OR3A2: variants seen among roughly 807,000 people sequenced by gnomAD.
The protein encoded by OR3A2 is olfactory receptor 3A2.
For synonymous variants in OR3A2, 126 were observed against 159.3 expected, an observed-to-expected ratio of 0.79 and a Z score of 1.57; for missense variants, 318 against 392.8, an observed-to-expected ratio of 0.81 and a Z score of 1.61.
At chr17:3,321,448 G>T (rs1160509982) in intron 3 of OR3A2, among the ~76,000 whole-genome samples, 1 of 151,576 alleles carries the variant, frequency 6.6e-6, no homozygotes, top group African/African-American at 2.4e-5. Flanking sequence ...GGGCATCCCT[G>T]TCTTGTGCCA....
chr17:3,332,161 A>T lies in OR3A2; in HGVS notation c.-85+3872T>A, dbSNP rs1050540592. On this transcript the variant is annotated intron_variant, in intron 3 of 4. Transcript: ENST00000573491. ...TTTAAGTCTGCAGAGGTTACTGCTGACTTTTTGTCTGTGCCCTGCCCCCAG... is the reference window on the plus strand; with the variant it reads ...TTTAAGTCTGCAGAGGTTACTGCTGTCTTTTTGTCTGTGCCCTGCCCCCAG... 3.9e-5 allele frequency among the ~76,000 whole-genome samples: 6 copies of T among 152,242 alleles called. No homozygotes were observed. The South Asian group carries it at 1.0e-3, about 26-fold the overall frequency.
intron 2 of OR3A2, among the ~76,000 whole-genome samples, chr17:3,340,365 G>A (rs962152238): frequency 1.3e-5 from 2 of 152,100 alleles, no homozygotes; most frequent in Non-Finnish European, 2.9e-5. Context: ...ATGTTAGGGT[G>A]TCAATTTTAG....
At chr17:3,379,938 G>A (rs1446441098) in intron 2 of OR3A2, among the ~76,000 whole-genome samples, 1 of 152,184 alleles carries the variant, frequency 6.6e-6, no homozygotes, top group Non-Finnish European at 1.5e-5. Context: ...GCACAAGAGA[G>A]GAGGGGAGGC....
At position 3,330,361 on chromosome 17, in the gene OR3A2, G is replaced by A. The variant is rs2049219985; in HGVS notation, c.-85+5672C>T. 2.7e-5 allele frequency among the ~76,000 whole-genome samples: 4 copies of A among 149,966 alleles called. 1 individual carries two copies. Among genetic ancestry groups the A allele is most frequent in the South Asian group, 2.1e-4 (1 of 4,716 alleles). ...TGTGGGAGTCTAAGTCTCTTTGTAG[G>A]TCACTCAGGACTTGCTTTATGAATC... On this transcript the variant is annotated intron_variant, in intron 3 of 4. Coordinates refer to the OR3A2 transcript ENST00000573491.
intron 3 of OR3A2, among the ~76,000 whole-genome samples, chr17:3,322,540 T>G (rs2150636436): frequency 6.6e-6 from 1 of 152,348 alleles, no homozygotes; most frequent in Non-Finnish European, 1.5e-5. Context: ...CACACTGCTT[T>G]GAATGTGTCC....
intron 2 of OR3A2, among the ~76,000 whole-genome samples, chr17:3,363,562 T>A (rs577655149): frequency 1.3e-5 from 2 of 151,924 alleles, no homozygotes; most frequent in South Asian, 4.1e-4. Context: ...CTGTCTCACA[T>A]CTTCCTGTCT....
chr17:3,303,650 CAGG>C (rs2150627386), intron 3 of OR3A2, among the ~76,000 whole-genome samples: 1 of 151,426 alleles, frequency 6.6e-6, no homozygotes, highest in South Asian at 2.1e-4. Flanking sequence ...GAGGCTGAGG[CAGG>C]AGGATCGCTT....
chr17:3,317,689 G>A (rs1407751767), intron 3 of OR3A2, among the ~76,000 whole-genome samples: 1 of 152,106 alleles, frequency 6.6e-6, no homozygotes, highest in African/African-American at 2.4e-5. Context: ...TTGAGGTACA[G>A]AATTACTGAG....
upstream of OR3A2, among the ~76,000 whole-genome samples, chr17:3,288,246 C>CAAAAAAAAAAAAAAAAAA: frequency 1.4e-4 from 10 of 73,480 alleles, no homozygotes; most frequent in Non-Finnish European, 1.7e-4. Context: ...ACCAAAAGGG[C>CAAAAAAAAAAAAAAAAAA]AAAAAAAAAA....
At chr17:3,318,850 G>A (rs987276096) in intron 3 of OR3A2, among the ~76,000 whole-genome samples, 2 of 152,106 alleles carry the variant, frequency 1.3e-5, no homozygotes, top group Non-Finnish European at 2.9e-5. Flanking sequence ...CAGTGCGAGA[G>A]GGCCACTTTC....
chr17:3,338,387 G>C (rs1279285721), intron 2 of OR3A2, among the ~76,000 whole-genome samples: 2 of 152,114 alleles, frequency 1.3e-5, no homozygotes, highest in Non-Finnish European at 2.9e-5. Flanking sequence ...TTTTCTTCTA[G>C]GGTTTTTATG....
At chr17:3,332,928 T>A (rs181996867) in intron 3 of OR3A2, among the ~76,000 whole-genome samples, 4 of 152,142 alleles carry the variant, frequency 2.6e-5, no homozygotes, top group African/African-American at 9.7e-5. Flanking sequence ...TTGAACAATA[T>A]GAAATGAGTG....
intron 2 of OR3A2, among the ~76,000 whole-genome samples, chr17:3,356,243 GTCTT>G (rs1329002942): frequency 2.6e-5 from 4 of 151,414 alleles, no homozygotes; most frequent in Admixed American, 6.6e-5. Context: ...TCATCATTTA[GTCTT>G]TCTATTTGAG....
intron 3 of OR3A2, among the ~76,000 whole-genome samples, chr17:3,321,388 T>C (rs2049120981): frequency 6.6e-6 from 1 of 152,168 alleles, no homozygotes; most frequent in Admixed American, 6.6e-5. Context: ...TCCTGCCTGA[T>C]TGCCCTGGCC....
chr17:3,359,043 T>C (rs927224630), intron 2 of OR3A2, among the ~76,000 whole-genome samples: 1 of 151,854 alleles, frequency 6.6e-6, no homozygotes, highest in Admixed American at 6.5e-5. Flanking sequence ...TGTCCTTCTT[T>C]GTCTTTTTTG....
At chr17:3,373,990 T>G (rs1438854937) in intron 2 of OR3A2, among the ~76,000 whole-genome samples, 1 of 152,186 alleles carries the variant, frequency 6.6e-6, no homozygotes. Flanking sequence ...GTAGTGCTTG[T>G]TTGGTAGTGA....
chr17:3,377,102 G>C lies in OR3A2; in HGVS notation c.-179+6702C>G, dbSNP rs1014203023. Among the ~76,000 whole-genome samples the C allele has an allele frequency of 2.0e-5, 3 of 152,182 alleles. No homozygotes were observed. The East Asian group carries it at 5.8e-4, about 29-fold the overall frequency. ...TGCCTTGCAGAGTTTGCAGCGGCAA[G>C]CTGCTTCTTTCAAAGGGTATGTGAA... is the stretch of plus-strand genomic sequence containing the variant. On this transcript the variant is annotated intron_variant, in intron 2 of 4. Coordinates refer to the OR3A2 transcript ENST00000573491.
chr17:3,353,005 G>A (rs1226747245), intron 2 of OR3A2, among the ~76,000 whole-genome samples: 3 of 151,496 alleles, frequency 2.0e-5, no homozygotes, highest in Non-Finnish European at 4.4e-5. Context: ...CTACTGTATA[G>A]GGGATTACAT....
chr17:3,292,122 C>T, intron 3 of OR3A2: 12 of 1,614,166 alleles, frequency 7.4e-6, no homozygotes, highest in Non-Finnish European at 1.0e-5. Flanking sequence ...GGTGAAAGCA[C>T]AAGCCCAGGA....
Sources: allele counts gnomAD v4.1 joint callset (sites outside exome capture counted in the v4.1 genomes callset), GRCh38; gene constraint gnomAD v4.1.1; transcripts MANE v1.5; gene names NCBI Gene and HGNC (gene_info 2026-07-23, HGNC 2026-07-21).